The following DCC variants were observed in gnomAD, a reference collection of about 807,000 sequenced individuals.
The protein encoded by DCC is netrin receptor DCC.
Under a neutral mutation model 172.5 loss-of-function variants are expected in DCC, and 58 were observed. That is an observed-to-expected ratio of 0.34 (90% CI 0.27 to 0.42). DCC has a LOEUF of 0.42. Among genes scored for constraint, DCC ranks in the 10% least tolerant of loss-of-function variants. DCC has a pLI of 1.00. For missense variants in DCC, 1,740 were observed against 1,791.0 expected (o/e 0.97, Z 0.51); for synonymous variants, 709 against 644.5 (o/e 1.10, Z -1.52).
intron 15 of DCC, among the ~76,000 whole-genome samples, chr18:53,382,035 C>T (rs996320250): frequency 6.7e-6 from 1 of 148,342 alleles, no homozygotes; most frequent in Admixed American, 6.8e-5. Context: ...CAAATCTAGC[C>T]GTTTTTCTTT....
At chr18:52,948,421 A>C (rs957957348) in intron 5 of DCC, among the ~76,000 whole-genome samples, 3 of 152,182 alleles carry the variant, frequency 2.0e-5, no homozygotes, top group Non-Finnish European at 4.4e-5. Flanking sequence ...AATAATGATC[A>C]ATATCTTTCA....
chr18:53,180,534 C>A (rs1022250452), intron 9 of DCC, among the ~76,000 whole-genome samples: 2 of 152,186 alleles, frequency 1.3e-5, no homozygotes, highest in Non-Finnish European at 2.9e-5. Context: ...CAACTTCACC[C>A]TTTGCTGCCT....
chr18:52,562,465 T>A (rs1189682715), intron 1 of DCC, among the ~76,000 whole-genome samples: 4 of 152,168 alleles, frequency 2.6e-5, no homozygotes, highest in African/African-American at 9.6e-5. Flanking sequence ...TTACTTTATT[T>A]AGCCACATAG....
At chr18:53,459,850 T>C (rs1469145813) in intron 24 of DCC, among the ~76,000 whole-genome samples, 3 of 152,112 alleles carry the variant, frequency 2.0e-5, no homozygotes, top group African/African-American at 7.2e-5. Context: ...GATAGATAAT[T>C]GAAAGTTAAT....
chr18:53,397,273 A>G, intron 17 of DCC, 35 bp from the exon 18 acceptor site: 1 of 1,601,552 alleles, frequency 6.2e-7, no homozygotes, highest in Non-Finnish European at 8.6e-7. Flanking sequence ...GATAGAGTTT[A>G]TTTTTTATCT....
chr18:52,793,696 G>T (rs2037818575), intron 2 of DCC, among the ~76,000 whole-genome samples: 1 of 152,014 alleles, frequency 6.6e-6, no homozygotes, highest in African/African-American at 2.4e-5. Flanking sequence ...TAAAGTCTTG[G>T]CCATAAAATC....
chr18:53,024,925 T>A (rs959720609), intron 5 of DCC, among the ~76,000 whole-genome samples: 1 of 152,110 alleles, frequency 6.6e-6, no homozygotes, highest in African/African-American at 2.4e-5. Context: ...ACCATCTTCA[T>A]AGAAACAAGA....
chr18:52,660,498 G>A (rs1784360692), intron 1 of DCC, among the ~76,000 whole-genome samples: 1 of 152,112 alleles, frequency 6.6e-6, no homozygotes, highest in African/African-American at 2.4e-5. Flanking sequence ...AGTTTACTGT[G>A]CCTTGAAAAG....
At chr18:52,514,179 T>C (rs1257898036) in intron 1 of DCC, among the ~76,000 whole-genome samples, 1 of 152,192 alleles carries the variant, frequency 6.6e-6, no homozygotes, top group Non-Finnish European at 1.5e-5. Flanking sequence ...TGTGTGTATA[T>C]ATAGTGTATA....
chr18:53,514,537 T>TTGA (rs1203511895), intron 27 of DCC, among the ~76,000 whole-genome samples: 5 of 151,852 alleles, frequency 3.3e-5, no homozygotes, highest in East Asian at 1.9e-4. Flanking sequence ...ATCAACAAAA[T>TTGA]TGATAGACCA....
At chr18:53,261,477 T>C (rs12326386) in intron 12 of DCC, among the ~76,000 whole-genome samples, 13,586 of 152,138 alleles carry the variant, frequency 0.089, 677 homozygotes, top group Middle Eastern at 0.17. Context: ...ATGTCTTTCC[T>C]CTCCTCTGTC....
chr18:52,615,145 C>T (rs1363613321), intron 1 of DCC, among the ~76,000 whole-genome samples: 1 of 152,086 alleles, frequency 6.6e-6, no homozygotes, highest in South Asian at 2.1e-4. Flanking sequence ...GCATCATTTT[C>T]CTGAGATGTG....
intron 12 of DCC, among the ~76,000 whole-genome samples, chr18:53,222,041 C>T (rs1184051238): frequency 1.3e-5 from 2 of 152,166 alleles, no homozygotes; most frequent in African/African-American, 2.4e-5. Flanking sequence ...GACCAGAGCT[C>T]CTGACCAGTT....
chr18:52,893,959 G>T (rs1178171156), intron 2 of DCC, among the ~76,000 whole-genome samples: 2 of 151,972 alleles, frequency 1.3e-5, no homozygotes, highest in Non-Finnish European at 2.9e-5. Context: ...ATAAGTTTTC[G>T]AACTCACTGC....
At chr18:53,510,724 A>G (rs2046241017) in intron 27 of DCC, among the ~76,000 whole-genome samples, 1 of 152,246 alleles carries the variant, frequency 6.6e-6, no homozygotes, top group South Asian at 2.1e-4. Flanking sequence ...TTGGCTCCCC[A>G]TTTAAACTGG....
chr18:53,478,498 TG>T (rs2045793755), intron 25 of DCC, among the ~76,000 whole-genome samples: 1 of 152,132 alleles, frequency 6.6e-6, no homozygotes, highest in South Asian at 2.1e-4. Flanking sequence ...GAGAGGTTTT[TG>T]GGCAGTATCT....
chr18:53,414,068 T>C (rs964664149), intron 20 of DCC, among the ~76,000 whole-genome samples: 1 of 152,124 alleles, frequency 6.6e-6, no homozygotes, highest in Non-Finnish European at 1.5e-5. Context: ...TAATTTTCAA[T>C]GGGAAACAGA....
At chr18:53,164,745 A>G (rs536853336) in intron 8 of DCC, among the ~76,000 whole-genome samples, 2 of 152,334 alleles carry the variant, frequency 1.3e-5, no homozygotes, top group South Asian at 4.1e-4. Context: ...TGTGCAAATC[A>G]TCATGTGGGT....
chr18:52,383,243 C>T (rs1985659354), intron 1 of DCC, among the ~76,000 whole-genome samples: 1 of 152,118 alleles, frequency 6.6e-6, no homozygotes, highest in Admixed American at 6.6e-5. Context: ...TTACCTCTTA[C>T]TCTAAATTTA....
Sources: allele counts gnomAD v4.1 joint callset (sites outside exome capture counted in the v4.1 genomes callset), GRCh38; gene constraint gnomAD v4.1.1; transcripts MANE v1.5; gene names NCBI Gene and HGNC (gene_info 2026-07-23, HGNC 2026-07-21).